The following UNC5D variants were observed in gnomAD, a reference collection of about 807,000 sequenced individuals.
UNC5D encodes the protein unc-5 netrin receptor D.
Under a neutral mutation model 105.4 loss-of-function variants are expected in UNC5D, and 39 were observed. The observed-to-expected ratio is 0.37, with a 90% CI of 0.29 to 0.48. The LOEUF is 0.48. Ranked by LOEUF, UNC5D falls within the 20% of genes least tolerant of loss-of-function variation. UNC5D has a pLI of 0.98. For synonymous variants in UNC5D, 452 were observed against 450.4 expected (o/e 1.00, Z -0.04); for missense variants, 991 against 1,202.4 (o/e 0.82, Z 2.60).
At chr8:35,607,448 C>T (rs1324159393) in intron 4 of UNC5D, among the ~76,000 whole-genome samples, 1 of 152,146 alleles carries the variant, frequency 6.6e-6, no homozygotes, top group South Asian at 2.1e-4. Flanking sequence ...ATGCTTCTCT[C>T]CTAGATGCTG....
chr8:35,420,500 T>C (rs1056416501), intron 1 of UNC5D, among the ~76,000 whole-genome samples: 3 of 152,122 alleles, frequency 2.0e-5, no homozygotes, highest in Admixed American at 1.3e-4. Flanking sequence ...GCTCTGAAAA[T>C]GAAATTCAGT....
At chr8:35,268,264 G>A (rs1207358721) in intron 1 of UNC5D, among the ~76,000 whole-genome samples, 1 of 134,082 alleles carries the variant, frequency 7.5e-6, no homozygotes, top group Non-Finnish European at 1.6e-5. Context: ...CAGTGAAGAT[G>A]AAAATTTATT....
intron 1 of UNC5D, among the ~76,000 whole-genome samples, chr8:35,334,104 A>C (rs1385823870): frequency 6.6e-6 from 1 of 152,188 alleles, no homozygotes; most frequent in Non-Finnish European, 1.5e-5. Context: ...TTTTAATATA[A>C]CTTCACAACC....
intron 4 of UNC5D, among the ~76,000 whole-genome samples, chr8:35,648,630 C>A (rs1358932050): frequency 2.3e-5 from 3 of 132,398 alleles, no homozygotes; most frequent in Non-Finnish European, 4.6e-5. Context: ...AGTGAGCTCA[C>A]ATTGCACCAC....
At chr8:35,657,932 A>G (rs2131215993) in intron 4 of UNC5D, among the ~76,000 whole-genome samples, 1 of 152,344 alleles carries the variant, frequency 6.6e-6, no homozygotes, top group African/African-American at 2.4e-5. Flanking sequence ...ATTTAAATGA[A>G]GCTTGGAAAA....
At chr8:35,557,881 C>G (rs540217295) in intron 2 of UNC5D, among the ~76,000 whole-genome samples, 45 of 152,002 alleles carry the variant, frequency 3.0e-4, no homozygotes, top group Admixed American at 5.2e-4. Context: ...CATGTAATCC[C>G]AGCACTTTGG....
chr8:35,525,141 G>T, intron 1 of UNC5D: 1 of 1,605,570 alleles, frequency 6.2e-7, no homozygotes, highest in South Asian at 1.1e-5. Context: ...CGCCTCCTTG[G>T]CTGGATGCTG....
intron 1 of UNC5D, among the ~76,000 whole-genome samples, chr8:35,514,755 CTT>C (rs1473338612): frequency 1.3e-5 from 2 of 152,290 alleles, no homozygotes; most frequent in Admixed American, 6.5e-5. Context: ...CAGTTGGAGA[CTT>C]TGAGCACACT....
intron 1 of UNC5D, among the ~76,000 whole-genome samples, chr8:35,294,538 T>C (rs1280447333): frequency 2.0e-5 from 3 of 152,180 alleles, no homozygotes; most frequent in African/African-American, 7.2e-5. Flanking sequence ...TGCTTTCTCT[T>C]GAATCTTGAA....
At chr8:35,365,513 G>A (rs1483857766) in intron 1 of UNC5D, among the ~76,000 whole-genome samples, 1 of 134,604 alleles carries the variant, frequency 7.4e-6, no homozygotes, top group Non-Finnish European at 1.5e-5. Flanking sequence ...CTGCCACACA[G>A]TTCTTTCCCT....
chr8:35,391,780 G>A (rs1200988711), intron 1 of UNC5D, among the ~76,000 whole-genome samples: 1 of 152,172 alleles, frequency 6.6e-6, no homozygotes, highest in Admixed American at 6.5e-5. Context: ...GATTAGAACT[G>A]GCAGTTCTTG....
chr8:35,687,228 G>C (rs1474262553), intron 7 of UNC5D, among the ~76,000 whole-genome samples: 1 of 152,150 alleles, frequency 6.6e-6, no homozygotes, highest in Non-Finnish European at 1.5e-5. Flanking sequence ...CGGATCGCGA[G>C]GTCAGGAGAT....
rs543652768 is a variant in UNC5D at position 35,309,308 on chromosome 8, C to A, written c.103+73421C>A. ...CTGCAGTGATTTCTAGCCCTACTTC[C>A]CCTGTTGCAGGTGCAACACTGAGGT... On this transcript the variant is annotated intron_variant, in intron 1 of 16. Coordinates refer to ENST00000404895, the MANE Select transcript of UNC5D (RefSeq NM_080872.4). Among the ~76,000 whole-genome samples, 13 of 152,266 alleles carry A rather than the reference C, an allele frequency of 8.5e-5. No homozygotes were observed. In the South Asian group the frequency reaches 2.5e-3, roughly 29 times the overall value.
intron 3 of UNC5D, 31 bp from the exon 4 acceptor site, chr8:35,595,523 A>AC: frequency 1.2e-6 from 2 of 1,605,354 alleles, no homozygotes; most frequent in African/African-American, 1.3e-5. Flanking sequence ...GACTTGAAAC[A>AC]AAGTGTCACC....
At chr8:35,487,566 TACACAC>T (rs3048025) in intron 1 of UNC5D, among the ~76,000 whole-genome samples, 3 of 112,984 alleles carry the variant, frequency 2.7e-5, no homozygotes, top group African/African-American at 3.7e-5. Flanking sequence ...TCTCTCTCTG[TACACAC>T]ACACACACAC....
chr8:35,283,049 A>G (rs1401671174), intron 1 of UNC5D, among the ~76,000 whole-genome samples: 2 of 152,314 alleles, frequency 1.3e-5, no homozygotes, highest in African/African-American at 4.8e-5. Context: ...TGATCAACAC[A>G]AACATTATTT....
intron 3 of UNC5D, among the ~76,000 whole-genome samples, chr8:35,574,994 C>A (rs937237174): frequency 3.3e-5 from 5 of 152,156 alleles, no homozygotes; most frequent in Non-Finnish European, 5.9e-5. Context: ...AATCCCCTAT[C>A]ACTTGTTGAT....
In UNC5D at chr8:35,728,131, A is replaced by G. The variant is rs1219077934; in HGVS notation, c.1681+1602A>G. ...ATATATGCCATAAAAACAAAAATAC[A>G]GAATCATATAAAGCCATGCATTAAG... On this transcript the variant is annotated intron_variant, in intron 10 of 16. Transcript: ENST00000404895. Among the ~76,000 whole-genome samples, 5 of 148,052 alleles carry G rather than the reference A, an allele frequency of 3.4e-5. No homozygotes were observed. The East Asian group carries it at 7.8e-4, about 23-fold the overall frequency.
intron 1 of UNC5D, among the ~76,000 whole-genome samples, chr8:35,373,992 A>C (rs1471797431): frequency 1.3e-5 from 2 of 152,166 alleles, no homozygotes; most frequent in Non-Finnish European, 2.9e-5. Context: ...TGAATAATGT[A>C]GATTTAAAAG....
Sources: allele counts gnomAD v4.1 joint callset (sites outside exome capture counted in the v4.1 genomes callset), GRCh38; gene constraint gnomAD v4.1.1; transcripts MANE v1.5; gene names NCBI Gene and HGNC (gene_info 2026-07-23, HGNC 2026-07-21).